The following PRKAG2 variants were observed in gnomAD, a reference collection of about 807,000 sequenced individuals.
The protein encoded by PRKAG2 is protein kinase AMP-activated non-catalytic subunit gamma 2.
PRKAG2 carries 26 observed loss-of-function variants against 69.6 expected under a neutral mutation model. That is an observed-to-expected ratio of 0.37 (90% CI 0.27 to 0.52). PRKAG2 has a LOEUF of 0.52. Among genes scored for constraint, PRKAG2 ranks in the 20% least tolerant of loss-of-function variants. The pLI is 0.90. For missense variants in PRKAG2, 557 were observed against 740.0 expected (o/e 0.75, Z 2.87); for synonymous variants, 293 against 285.0 (o/e 1.03, Z -0.28).
Position 151,556,462 on chromosome 7 carries a change from A to G in PRKAG2, c.*739T>C, listed in dbSNP as rs961467741. ...CAGCTTTTAAAACCCAGCAGCGGCT[A>G]TTTCAGAAGTCATGTCCTTTCCAGA... On this transcript the variant is annotated 3_prime_UTR_variant, in exon 16 of 16. Transcript: ENST00000287878. 3 of 152,814 alleles carry G rather than the reference A, an allele frequency of 2.0e-5. No homozygotes were observed. The highest frequency in any genetic ancestry group is 4.1e-4 in the South Asian group (2 of 4,834). The allele number at this position is 152,814 out of a possible 1,614,324, so 9.5% of individuals were successfully genotyped here. A position where few individuals can be genotyped will look rare whatever the true frequency, so the allele number is the denominator to read the frequency against.
chr7:151,714,186 A>C (rs1795776205), intron 3 of PRKAG2, among the ~76,000 whole-genome samples: 1 of 152,192 alleles, frequency 6.6e-6, no homozygotes. Context: ...ATCTCACAAG[A>C]AGAGCACCTA....
intron 4 of PRKAG2, among the ~76,000 whole-genome samples, chr7:151,671,089 G>T (rs1454228545): frequency 7.0e-6 from 1 of 142,778 alleles, no homozygotes; most frequent in Non-Finnish European, 1.5e-5. Context: ...CAGGAGAATT[G>T]CTTGAACCCA....
At chr7:151,838,213 G>C (rs2079188925) in intron 1 of PRKAG2, among the ~76,000 whole-genome samples, 2 of 152,196 alleles carry the variant, frequency 1.3e-5, no homozygotes, top group South Asian at 4.1e-4. Flanking sequence ...GAGGAGGCCA[G>C]CTCCCACTGC....
chr7:151,593,985 C>CTGA (rs1464022225), intron 6 of PRKAG2, among the ~76,000 whole-genome samples: 1 of 152,214 alleles, frequency 6.6e-6, no homozygotes, highest in Admixed American at 6.5e-5. Context: ...GGGGAGCCCT[C>CTGA]TGAGGACGCA....
At chr7:151,597,633 A>G (rs1367486664) in intron 5 of PRKAG2, among the ~76,000 whole-genome samples, 1 of 152,228 alleles carries the variant, frequency 6.6e-6, no homozygotes, top group Non-Finnish European at 1.5e-5. Flanking sequence ...AACTGAATAC[A>G]CATTTCTCAA....
chr7:151,682,643 C>T (rs572911569), intron 3 of PRKAG2, among the ~76,000 whole-genome samples: 20 of 152,292 alleles, frequency 1.3e-4, no homozygotes, highest in East Asian at 1.2e-3. Context: ...ACAGCTTCCA[C>T]GGGCCAAGTA....
chr7:151,758,389 G>C (rs1177226632), intron 3 of PRKAG2, among the ~76,000 whole-genome samples: 1 of 152,204 alleles, frequency 6.6e-6, no homozygotes, highest in Non-Finnish European at 1.5e-5. Context: ...TTGATGCTAG[G>C]AATTCTTTCT....
intron 3 of PRKAG2, among the ~76,000 whole-genome samples, chr7:151,752,295 A>G (rs151223815): frequency 1.3e-5 from 2 of 152,212 alleles, no homozygotes; most frequent in African/African-American, 4.8e-5. Flanking sequence ...GCAAACTAAC[A>G]CAGGAACAGA....
At chr7:151,715,212 C>T (rs1177172370) in intron 3 of PRKAG2, among the ~76,000 whole-genome samples, 5 of 146,918 alleles carry the variant, frequency 3.4e-5, no homozygotes, top group Admixed American at 1.4e-4. Flanking sequence ...GACGGGGTTT[C>T]GCCGTGTTGG....
rs1434797609 is a variant in PRKAG2, at chr7:151,557,875, A to AT, written c.1679-644dup. On this transcript the variant is annotated intron_variant, in intron 15 of 15. Coordinates refer to ENST00000287878, the MANE Select transcript of PRKAG2 (RefSeq NM_016203.4). The stretch of plus-strand genomic sequence containing the variant: ...TGACAAGAGTGAAACTCCGTCTCAA[A>AT]TAAAAAAAAAAAAAACAAAAAAACA... 9.4e-6 allele frequency: 9 copies of AT among 958,180 alleles called. No individual in the cohort carries two copies. In the African/African-American group the frequency reaches 1.7e-4, roughly 18 times the overall value. The allele number at this position is 958,180 out of a possible 1,614,324, so 59.4% of individuals were successfully genotyped here.
intron 4 of PRKAG2, among the ~76,000 whole-genome samples, chr7:151,636,265 T>C (rs761689171): frequency 1.3e-5 from 2 of 152,166 alleles, no homozygotes; most frequent in African/African-American, 2.4e-5. Flanking sequence ...TAAGTTTACA[T>C]TTTCATCATC....
In PRKAG2 at chr7:151,801,720, A is replaced by G. The variant is rs113393375; in HGVS notation, c.115-15179T>C. Among the ~76,000 whole-genome samples the G allele has an allele frequency of 9.8e-3, 1,492 of 152,252 alleles. 13 individuals carry two copies. Among genetic ancestry groups the G allele is most frequent in the Non-Finnish European group, 0.016 (1,099 of 68,000 alleles). ...TTCTAGAGGGGCTTGTTATATAAGGAGGAGAGGGAAGAAAACTGCTGAGAT... is the reference window on the plus strand; with the variant it reads ...TTCTAGAGGGGCTTGTTATATAAGGGGGAGAGGGAAGAAAACTGCTGAGAT... On this transcript the variant is annotated intron_variant, in intron 1 of 15. Coordinates refer to ENST00000287878, the MANE Select transcript of PRKAG2 (RefSeq NM_016203.4).
chr7:151,742,635 A>AT lies in PRKAG2; in HGVS notation c.466+38516_466+38517insA, dbSNP rs58279201. On this transcript the variant is annotated intron_variant, in intron 3 of 15. Coordinates refer to ENST00000287878, the MANE Select transcript of PRKAG2 (RefSeq NM_016203.4). ...TAAGATTACATCTCACAAAAAAAAA[A>AT]AAAATAAAATAAAATAAAAAGTCCT... Among the ~76,000 whole-genome samples, 185 of 151,512 alleles carry AT rather than the reference A, an allele frequency of 1.2e-3. 2 individuals carry two copies. The highest frequency in any genetic ancestry group is 3.5e-3 in the African/African-American group (142 of 41,134).
intron 4 of PRKAG2, among the ~76,000 whole-genome samples, chr7:151,660,362 C>T (rs928980820): frequency 6.6e-6 from 1 of 152,116 alleles, no homozygotes; most frequent in Admixed American, 6.5e-5. Flanking sequence ...CTCCCTGGTA[C>T]TAAAGTACTG....
intron 3 of PRKAG2, among the ~76,000 whole-genome samples, chr7:151,695,571 C>A (rs1328372875): frequency 6.6e-6 from 1 of 152,162 alleles, no homozygotes; most frequent in Non-Finnish European, 1.5e-5. Flanking sequence ...ACCATCCCTG[C>A]CCTCTTTCAA....
At chr7:151,597,261 T>C (rs911404375) in intron 5 of PRKAG2, among the ~76,000 whole-genome samples, 3 of 152,148 alleles carry the variant, frequency 2.0e-5, no homozygotes, top group East Asian at 1.9e-4. Flanking sequence ...TCTCATCAGA[T>C]ACAAAAATCA....
intron 4 of PRKAG2, among the ~76,000 whole-genome samples, chr7:151,640,533 T>C (rs947887479): frequency 2.0e-5 from 3 of 152,160 alleles, no homozygotes; most frequent in Non-Finnish European, 4.4e-5. Context: ...TTTCTGAGCA[T>C]TCTGGCCTCC....
In PRKAG2 at chr7:151,781,960, AC is replaced by A. The variant is rs906977923; in HGVS notation, c.187-530del. Among the ~76,000 whole-genome samples, 6 of 152,166 alleles carry A rather than the reference AC, an allele frequency of 3.9e-5. No individual in the cohort carries two copies. Among genetic ancestry groups the A allele is most frequent in the Non-Finnish European group, 5.9e-5 (4 of 68,010 alleles). ...AGCATTTGAAAGACTGAGGTTGCCA[AC>A]AGAAGTCAGGAGAAAAGTTCACAAA... On this transcript the variant is annotated intron_variant, in intron 2 of 15. Coordinates refer to ENST00000287878, the MANE Select transcript of PRKAG2 (RefSeq NM_016203.4). This position sits in a 1 kb window ranked among gnomAD's most constrained non-coding sequence, Gnocchi z 6.1.
intron 4 of PRKAG2, among the ~76,000 whole-genome samples, chr7:151,667,282 C>A (rs907712987): frequency 1.3e-5 from 2 of 152,204 alleles, no homozygotes; most frequent in Non-Finnish European, 2.9e-5. Context: ...TGATAAACAT[C>A]CTGCACACCA....
Sources: allele counts gnomAD v4.1 joint callset (sites outside exome capture counted in the v4.1 genomes callset), GRCh38; gene constraint gnomAD v4.1.1; non-coding constraint Gnocchi (gnomAD v3.1); transcripts MANE v1.5; gene names NCBI Gene and HGNC (gene_info 2026-07-23, HGNC 2026-07-21).